Variants in MAGI2 observed in about 807,000 individuals in gnomAD.
MAGI2 encodes the protein membrane associated guanylate kinase, WW and PDZ domain containing 2.
Under a neutral mutation model 133.3 loss-of-function variants are expected in MAGI2, and 35 were observed. The ratio of observed to expected loss-of-function variants is 0.26; its 90% CI spans 0.20 to 0.35. The LOEUF (loss-of-function observed/expected upper bound fraction) is 0.35, where lower values mean the gene tolerates loss of function less well. MAGI2 is among the 10% of genes least tolerant of loss of function. MAGI2 has a pLI of 1.00. For missense variants in MAGI2, 1,636 were observed against 1,863.4 expected, an observed-to-expected ratio of 0.88 and a Z score of 2.25; for synonymous variants, 729 against 710.6, an observed-to-expected ratio of 1.03 and a Z score of -0.41.
Position 79,343,682 on chromosome 7 carries a change from G to A in MAGI2, c.301+109338C>T, listed in dbSNP as rs145571756. Among the ~76,000 whole-genome samples, 321 of 152,158 alleles carry A rather than the reference G, an allele frequency of 2.1e-3. 1 individual carries two copies. Among genetic ancestry groups the A allele is most frequent in the South Asian group, 0.02 (97 of 4,818 alleles). ...AATTTCCCCGATTCTGCTCCCTGTA[G>A]CTAATCACTGCTAGGAATAGTTTCT... On this transcript the variant is annotated intron_variant, in intron 1 of 21. Coordinates refer to ENST00000354212, the MANE Select transcript of MAGI2 (RefSeq NM_012301.4).
At chr7:78,630,180 T>G (rs531396566) in intron 2 of MAGI2, among the ~76,000 whole-genome samples, 3 of 151,646 alleles carry the variant, frequency 2.0e-5, no homozygotes, top group Non-Finnish European at 4.4e-5. Context: ...TACTTTAAGA[T>G]GCCTCTTGAT....
rs1038564711 is a variant in MAGI2 at position 78,065,715 on chromosome 7, A to G, written c.3706+13232T>C. The G allele has an allele frequency of 5.1e-6, 3 of 585,294 alleles. No homozygotes were observed. In the African/African-American group the frequency reaches 5.6e-5, roughly 11 times the overall value. 36.3% of individuals were successfully genotyped at this position (585,294 alleles called of 1,614,324 possible). On this transcript the variant is annotated intron_variant, in intron 21 of 21. Transcript: ENST00000354212. Reference sequence around the variant, plus strand: ...ACCAATCATTAGAATTAACAGAACCAGTAACAAAGATATATTATTACTGTT... The same window carrying G: ...ACCAATCATTAGAATTAACAGAACCGGTAACAAAGATATATTATTACTGTT...
Position 78,178,083 on chromosome 7 carries a change from C to A in MAGI2, c.2331G>T (p.Leu777Phe). 6.2e-7 allele frequency: 1 copy of A among 1,612,514 alleles called. No individual in the cohort carries two copies. Among genetic ancestry groups the A allele is most frequent in the African/African-American group, 1.3e-5 (1 of 74,974 alleles). Residue 777 changes from leucine (L) to phenylalanine (F), a missense_variant, in exon 14 of 22, where the codon TTG becomes TTT. Leu to Phe is a conservative substitution (Grantham distance 22, BLOSUM62 0). Transcript: ENST00000354212. Reference sequence around the variant, plus strand: ...ACTCCATCCTCCGAAGATGAACATCCAATTCCTTATAATCTGGACCTGGCA... The same window carrying A: ...ACTCCATCCTCCGAAGATGAACATCAAATTCCTTATAATCTGGACCTGGCA... ...MDSSGPDYKE[L>F]DVHLRRMESG...
At chr7:78,577,695 C>G (rs1206186885) in intron 3 of MAGI2, among the ~76,000 whole-genome samples, 4 of 151,890 alleles carry the variant, frequency 2.6e-5, no homozygotes, top group Admixed American at 6.6e-5. Context: ...AGTGGGGGAG[C>G]TTTTGAGCCA....
intron 20 of MAGI2, among the ~76,000 whole-genome samples, chr7:78,090,008 G>A (rs1262217534): frequency 6.6e-6 from 1 of 152,118 alleles, no homozygotes; most frequent in Non-Finnish European, 1.5e-5. Flanking sequence ...TGGCCCACTT[G>A]TACTTCCTCC....
intron 2 of MAGI2, among the ~76,000 whole-genome samples, chr7:78,960,935 T>C: frequency 6.6e-6 from 1 of 152,110 alleles, no homozygotes; most frequent in East Asian, 1.9e-4. Flanking sequence ...ACCTATATCC[T>C]TTTCAAAGCT....
chr7:79,344,504 T>C (rs553938908), intron 1 of MAGI2, among the ~76,000 whole-genome samples: 36 of 152,106 alleles, frequency 2.4e-4, no homozygotes, highest in Admixed American at 5.2e-4. Context: ...AGGTGGCATT[T>C]CAGTCAGGTT....
At chr7:78,128,050 C>A (rs752380080) in intron 18 of MAGI2, among the ~76,000 whole-genome samples, 1 of 152,044 alleles carries the variant, frequency 6.6e-6, no homozygotes, top group East Asian at 1.9e-4. Context: ...AAACATATTA[C>A]ACAGAGGTAA....
chr7:79,072,125 C>T (rs1815046930), intron 1 of MAGI2, among the ~76,000 whole-genome samples: 2 of 152,160 alleles, frequency 1.3e-5, no homozygotes, highest in Admixed American at 1.3e-4. Context: ...GCTGCACCCA[C>T]TGTCCAACCA....
intron 7 of MAGI2, among the ~76,000 whole-genome samples, chr7:78,356,840 C>T (rs1192800636): frequency 1.3e-5 from 2 of 152,198 alleles, no homozygotes; most frequent in African/African-American, 4.8e-5. Context: ...CTGAGATTCA[C>T]CAAAGTGAAA....
intron 2 of MAGI2, among the ~76,000 whole-genome samples, chr7:78,781,936 C>G (rs1225321907): frequency 6.6e-6 from 1 of 152,204 alleles, no homozygotes. Flanking sequence ...TTTCTTAACC[C>G]CTTGGAAGTT....
intron 1 of MAGI2, among the ~76,000 whole-genome samples, chr7:79,084,679 A>G (rs895588692): frequency 1.3e-5 from 2 of 151,802 alleles, no homozygotes; most frequent in Admixed American, 1.3e-4. Context: ...ATAGTGAGTC[A>G]TTCTGTATCC....
rs530307384 is a variant in MAGI2, at chr7:78,037,730, C to T, written c.3707-17754G>A. ...TGTGATGCAAATGTGGAAAAACCCT[C>T]CTGTGTCAGCAACCCCTGCAGAGAG... On this transcript the variant is annotated intron_variant, in intron 21 of 21. Coordinates refer to ENST00000354212, the MANE Select transcript of MAGI2 (RefSeq NM_012301.4). Among the ~76,000 whole-genome samples, 17 of 152,312 alleles carry T rather than the reference C, an allele frequency of 1.1e-4. No individual in the cohort carries two copies. In the East Asian group the frequency reaches 1.7e-3, roughly 16 times the overall value.
intron 3 of MAGI2, among the ~76,000 whole-genome samples, chr7:78,579,666 C>G (rs1290259410): frequency 6.6e-6 from 1 of 152,162 alleles, no homozygotes; most frequent in Non-Finnish European, 1.5e-5. Flanking sequence ...CTTGCCATTT[C>G]TTTAAAAATT....
At chr7:78,504,677 A>G (rs1335582755) in intron 4 of MAGI2, among the ~76,000 whole-genome samples, 1 of 152,206 alleles carries the variant, frequency 6.6e-6, no homozygotes, top group Non-Finnish European at 1.5e-5. Flanking sequence ...CTTTGAGAAC[A>G]TATCCTCTAG....
intron 1 of MAGI2, chr7:79,452,801 C>G (rs1849376135): frequency 1.8e-6 from 1 of 564,964 alleles, no homozygotes; most frequent in Non-Finnish European, 3.1e-6. Flanking sequence ...TCTAACTGAG[C>G]AAACAAAGTT....
intron 1 of MAGI2, among the ~76,000 whole-genome samples, chr7:79,427,821 GGATGGA>G (rs1847499484): frequency 6.6e-6 from 1 of 152,094 alleles, no homozygotes; most frequent in South Asian, 2.1e-4. Context: ...GTCACTTGCT[GGATGGA>G]TTGGGCAAGG....
chr7:79,107,897 A>T (rs1011892955), intron 1 of MAGI2, among the ~76,000 whole-genome samples: 2 of 152,208 alleles, frequency 1.3e-5, no homozygotes, highest in Admixed American at 1.3e-4. Flanking sequence ...AATTATTTAC[A>T]TTTGTAGTAT....
intron 1 of MAGI2, among the ~76,000 whole-genome samples, chr7:79,055,411 A>G (rs992066104): frequency 1.3e-5 from 2 of 152,164 alleles, no homozygotes; most frequent in African/African-American, 4.8e-5. Context: ...AAATTCTGCA[A>G]TTCTAACCAA....
Sources: allele counts gnomAD v4.1 joint callset (sites outside exome capture counted in the v4.1 genomes callset), GRCh38; gene constraint gnomAD v4.1.1; transcripts MANE v1.5; gene names NCBI Gene and HGNC (gene_info 2026-07-23, HGNC 2026-07-21).